Variants in EGFR observed in about 807,000 individuals in gnomAD.
EGFR encodes the protein avian erythroblastic leukemia viral (v-erb-b) oncogene homolog.
In EGFR, 58 loss-of-function variants were observed where a neutral mutation model predicts 143.0. That is an observed-to-expected ratio of 0.41 (90% CI 0.33 to 0.50). The LOEUF (loss-of-function observed/expected upper bound fraction) is 0.50, where lower values mean the gene tolerates loss of function less well. Among genes scored for constraint, EGFR ranks in the 20% least tolerant of loss-of-function variants. The pLI, the probability that EGFR is intolerant of heterozygous loss-of-function variation, is 0.39. For missense variants in EGFR, 1,307 were observed against 1,579.0 expected (o/e 0.83, Z 2.92); for synonymous variants, 613 against 594.4 (o/e 1.03, Z -0.45).
rs1794051373 is a variant in EGFR at position 55,134,892 on chromosome 7, T to C, written c.89-7394T>C. 2.0e-5 allele frequency among the ~76,000 whole-genome samples: 3 copies of C among 152,298 alleles called. No individual in the cohort carries two copies. In the South Asian group the frequency reaches 6.2e-4, roughly 32 times the overall value. Reference sequence around the variant, plus strand: ...ATCTCAGTACTGCTCACAACTGCCCTGTGAAATTCGCCGAGCTGGCCCCAT... The same window carrying C: ...ATCTCAGTACTGCTCACAACTGCCCCGTGAAATTCGCCGAGCTGGCCCCAT... On this transcript the variant is annotated intron_variant, in intron 1 of 27. Transcript: ENST00000275493.
At chr7:55,187,567 C>G (rs1038588691) in intron 20 of EGFR, among the ~76,000 whole-genome samples, 5 of 152,202 alleles carry the variant, frequency 3.3e-5, no homozygotes, top group Admixed American at 6.5e-5. Flanking sequence ...CTGACACTTT[C>G]CTGCCTCTTC....
chr7:55,091,891 C>CACACACACACACA (rs1562706309), intron 1 of EGFR, among the ~76,000 whole-genome samples: 2 of 135,362 alleles, frequency 1.5e-5, no homozygotes, highest in Admixed American at 7.5e-5. Flanking sequence ...CACACACACA[C>CACACACACACACA]CCTGAGAGAG....
intron 1 of EGFR, among the ~76,000 whole-genome samples, chr7:55,021,534 A>AAG (rs1343738371): frequency 6.6e-6 from 1 of 152,238 alleles, no homozygotes; most frequent in East Asian, 1.9e-4. Flanking sequence ...TCCTGAAGAC[A>AAG]AGAGAGAGAG....
At chr7:55,164,021 C>T (rs888569272) in intron 14 of EGFR, among the ~76,000 whole-genome samples, 198 bp downstream of exon 14, 6 of 152,354 alleles carry the variant, frequency 3.9e-5, no homozygotes, top group African/African-American at 1.4e-4. Flanking sequence ...CTGCGATGAA[C>T]ATTCACTCTT....
chr7:55,067,360 G>T (rs1310990486), intron 1 of EGFR, among the ~76,000 whole-genome samples: 1 of 147,106 alleles, frequency 6.8e-6, no homozygotes, highest in Admixed American at 6.6e-5. Context: ...GTGTTGGAAG[G>T]CATCTGTTGG....
chr7:55,030,318 C>A (rs1184972227), intron 1 of EGFR, among the ~76,000 whole-genome samples: 1 of 152,200 alleles, frequency 6.6e-6, no homozygotes, highest in Non-Finnish European at 1.5e-5. Flanking sequence ...TGCTTAATGT[C>A]CCTCACAATT....
chr7:55,118,377 G>A (rs1792994458), intron 1 of EGFR, among the ~76,000 whole-genome samples: 2 of 152,130 alleles, frequency 1.3e-5, no homozygotes, highest in Non-Finnish European at 2.9e-5. Context: ...GAGAAGCACT[G>A]GTAATCTCAA....
chr7:55,094,322 C>A (rs1791309002), intron 1 of EGFR, among the ~76,000 whole-genome samples: 2 of 152,124 alleles, frequency 1.3e-5, no homozygotes, highest in South Asian at 4.1e-4. Context: ...GTGCAGCCTG[C>A]AGAGCACTCT....
At chr7:55,052,191 C>T (rs1011588507) in intron 1 of EGFR, among the ~76,000 whole-genome samples, 10 of 152,216 alleles carry the variant, frequency 6.6e-5, no homozygotes, top group African/African-American at 2.4e-4. Flanking sequence ...AAGTTCCCCT[C>T]TCCTGGGTAT....
At chr7:55,161,091 C>T (rs904955755) in intron 12 of EGFR, among the ~76,000 whole-genome samples, 1 of 152,216 alleles carries the variant, frequency 6.6e-6, no homozygotes, top group Non-Finnish European at 1.5e-5. Context: ...CTGTGCCCAG[C>T]AGCACCTGCT....
intron 14 of EGFR, among the ~76,000 whole-genome samples, chr7:55,164,971 A>T (rs1023169106): frequency 3.3e-5 from 5 of 152,254 alleles, no homozygotes; most frequent in African/African-American, 9.6e-5. Flanking sequence ...ATTTGGGCCA[A>T]TCAAGATGGT....
chr7:55,154,862 G>A (rs554321182), intron 7 of EGFR, among the ~76,000 whole-genome samples: 7 of 152,114 alleles, frequency 4.6e-5, no homozygotes, highest in East Asian at 3.9e-4. Context: ...CAATTATGAG[G>A]GGGAGATTTT....
chr7:55,107,634 G>C (rs1792216373), intron 1 of EGFR, among the ~76,000 whole-genome samples: 1 of 152,218 alleles, frequency 6.6e-6, no homozygotes, highest in Non-Finnish European at 1.5e-5. Flanking sequence ...GAATGCTGCA[G>C]ATCACGGCAG....
At chr7:55,099,612 C>G (rs1383983555) in intron 1 of EGFR, among the ~76,000 whole-genome samples, 1 of 152,218 alleles carries the variant, frequency 6.6e-6, no homozygotes, top group African/African-American at 2.4e-5. Context: ...ACCACCAGAG[C>G]CACCATTGTC....
rs1180577495 is a variant in EGFR, at chr7:55,019,327, C to T, written c.50C>T (p.Ala17Val). The T allele has an allele frequency of 1.3e-6, 2 of 1,520,502 alleles. No individual in the cohort carries two copies. The highest frequency in any genetic ancestry group is 1.4e-5 in the African/African-American group (1 of 69,488). 94.2% of individuals were successfully genotyped at this position (1,520,502 alleles called of 1,614,324 possible). The change falls in exon 1 of 28, where the codon GCG (alanine) becomes GTG (valine). Residue 17 changes from alanine (A) to valine (V), a missense_variant. This residue lies in a region of EGFR where 65 missense variants were observed against 37.8 expected (regional missense o/e 1.72). Coordinates refer to ENST00000275493, the MANE Select transcript of EGFR (RefSeq NM_005228.5). Reference sequence around the variant, plus strand: ...GCAGCGCTCCTGGCGCTGCTGGCTGCGCTCTGCCCGGCGAGTCGGGCTCTG... The same window carrying T: ...GCAGCGCTCCTGGCGCTGCTGGCTGTGCTCTGCCCGGCGAGTCGGGCTCTG... The part of the protein sequence containing the change: ...AGAALLALLA[A>V]LCPASRALEE...
At chr7:55,177,888 G>A (rs919233778) in intron 19 of EGFR, among the ~76,000 whole-genome samples, 3 of 152,234 alleles carry the variant, frequency 2.0e-5, no homozygotes, top group Admixed American at 6.5e-5. Context: ...ACAAACAGCC[G>A]AGAACAAAGC....
In EGFR at chr7:55,143,487, G is replaced by A. The variant is rs767608234; in HGVS notation, c.423G>A (p.Gln141=). The change falls in exon 3 of 28, where the codon CAG becomes CAA. Residue 141 remains glutamine (Q), a splice_region_variant and synonymous_variant. Transcript: ENST00000275493. ...GLKELPMRNL[Q]EILHGAVRFS... ...AGGAGCTGCCCATGAGAAATTTACA[G>A]GGTGAGAGGCTGGGATGCCAAGGCT... The A allele has an allele frequency of 1.9e-6, 3 of 1,614,218 alleles. 1 individual carries two copies. The South Asian group carries it at 3.3e-5, about 18-fold the overall frequency.
At chr7:55,098,616 ATTG>A (rs1413379066) in intron 1 of EGFR, among the ~76,000 whole-genome samples, 1 of 152,186 alleles carries the variant, frequency 6.6e-6, no homozygotes, top group Non-Finnish European at 1.5e-5. Context: ...CTGTATGCAT[ATTG>A]TTGTTAAGTA....
intron 22 of EGFR, among the ~76,000 whole-genome samples, chr7:55,194,443 G>A (rs932864289): frequency 5.3e-5 from 8 of 152,140 alleles, no homozygotes; most frequent in Admixed American, 3.9e-4. Context: ...GGCCAGGCTG[G>A]TCTCGAACTC....
Sources: gnomAD v4.1 joint callset for allele counts (sites outside exome capture counted in the v4.1 genomes callset) on GRCh38, gnomAD v4.1.1 for gene constraint, gnomAD v4.1.1 regional missense constraint, MANE v1.5 for transcripts, NCBI Gene and HGNC (gene_info 2026-07-23, HGNC 2026-07-21) for gene names.